The following CWC27 variants were observed in gnomAD, a reference collection of about 807,000 sequenced individuals.
The protein encoded by CWC27 is CWC27 spliceosome associated cyclophilin.
A neutral mutation model predicts 63.6 loss-of-function variants in CWC27; 47 were observed. The observed-to-expected ratio is 0.74, with a 90% CI of 0.58 to 0.94. CWC27 has a LOEUF of 0.94. Among genes scored for constraint, CWC27 ranks in the 40% least tolerant of loss-of-function variants. The probability of loss-of-function intolerance (pLI) is 0.00; values close to 1 mark genes in which losing one functional copy is unlikely to be tolerated. For missense variants in CWC27, 495 were observed against 554.3 expected (o/e 0.89, Z 1.07); for synonymous variants, 175 against 179.8 (o/e 0.97, Z 0.22).
At chr5:64,947,738 G>T (rs773581956) in intron 11 of CWC27, among the ~76,000 whole-genome samples, 1 of 152,038 alleles carries the variant, frequency 6.6e-6, no homozygotes, top group African/African-American at 2.4e-5. Flanking sequence ...TTTCCTATGG[G>T]CCTCCCCTCT....
intron 10 of CWC27, among the ~76,000 whole-genome samples, chr5:64,857,981 CA>C (rs532760074): frequency 7.1e-6 from 1 of 141,684 alleles, no homozygotes; most frequent in Admixed American, 7.1e-5. Context: ...ACTAAAAATA[CA>C]AAAAAATTAG....
intron 10 of CWC27, among the ~76,000 whole-genome samples, chr5:64,856,548 T>A (rs1386519687): frequency 6.6e-6 from 1 of 152,000 alleles, no homozygotes; most frequent in Non-Finnish European, 1.5e-5. Context: ...CAACAAGTTT[T>A]TTTGTTTTTA....
intron 11 of CWC27, among the ~76,000 whole-genome samples, chr5:64,886,514 G>C (rs1471448690): frequency 6.6e-6 from 1 of 151,848 alleles, no homozygotes; most frequent in East Asian, 1.9e-4. Flanking sequence ...ACAGTCACTG[G>C]AAGTATATTA....
In CWC27 at chr5:64,800,251, A is replaced by G. The variant is rs1744441800; in HGVS notation, c.673A>G (p.Met225Val). Residue 225 changes from methionine (M) to valine (V), a missense_variant, in exon 8 of 14, where the codon ATG becomes GTG. Met to Val is a conservative substitution (Grantham distance 21, BLOSUM62 1). Coordinates refer to ENST00000381070, the MANE Select transcript of CWC27 (RefSeq NM_005869.4). The part of the protein sequence containing the change: ...EEEVNRVSQS[M>V]KGKSKSSHDL... ...TTATATTGTACATTCTTTGCAGAGCATGAAGGGCAAAAGCAAAAGTAGTCA... is the reference window on the plus strand; with the variant it reads ...TTATATTGTACATTCTTTGCAGAGCGTGAAGGGCAAAAGCAAAAGTAGTCA... 1 of 1,607,734 alleles carries G rather than the reference A, an allele frequency of 6.2e-7. No homozygotes were observed. The highest frequency in any genetic ancestry group is 8.5e-7 in the Non-Finnish European group (1 of 1,174,916).
At chr5:64,840,554 T>C (rs1268814508) in intron 10 of CWC27, among the ~76,000 whole-genome samples, 1 of 151,352 alleles carries the variant, frequency 6.6e-6, no homozygotes, top group Non-Finnish European at 1.5e-5. Flanking sequence ...GGCAGGTTTT[T>C]TTCAGCTGAA....
chr5:64,885,370 A>G, intron 10 of CWC27, 73 bp from the exon 11 acceptor site: 5 of 1,003,106 alleles, frequency 5.0e-6, no homozygotes, highest in Non-Finnish European at 7.3e-6. Context: ...TAGTATACCA[A>G]TGATTCTGTT....
chr5:64,776,769 TA>T (rs1431978746), intron 2 of CWC27, among the ~76,000 whole-genome samples: 2 of 152,108 alleles, frequency 1.3e-5, no homozygotes, highest in African/African-American at 4.8e-5. Context: ...CACTCATATT[TA>T]TTTTTTTAAA....
intron 11 of CWC27, among the ~76,000 whole-genome samples, chr5:64,944,048 C>T (rs1158720433): frequency 6.6e-6 from 1 of 151,984 alleles, no homozygotes; most frequent in African/African-American, 2.4e-5. Flanking sequence ...TGGATCCTGC[C>T]GCACGCCCCC....
intron 11 of CWC27, among the ~76,000 whole-genome samples, chr5:64,951,504 G>C (rs1174220881): frequency 6.6e-6 from 1 of 151,836 alleles, no homozygotes; most frequent in Non-Finnish European, 1.5e-5. Flanking sequence ...CAAAGTTCAT[G>C]TGCCATTCAT....
intron 11 of CWC27, among the ~76,000 whole-genome samples, chr5:64,937,921 C>CT (rs1211082437): frequency 0.048 from 4,743 of 99,140 alleles, 195 homozygotes; most frequent in Non-Finnish European, 0.066. Context: ...GCAATCTCTG[C>CT]TTTTTTTTTT....
intron 11 of CWC27, among the ~76,000 whole-genome samples, chr5:64,948,537 T>C (rs963851507): frequency 3.3e-5 from 5 of 151,988 alleles, no homozygotes; most frequent in African/African-American, 9.7e-5. Flanking sequence ...ATGTCTAATA[T>C]ATTGCACCAT....
chr5:64,869,754 C>G (rs992580938), intron 10 of CWC27, among the ~76,000 whole-genome samples: 2 of 152,010 alleles, frequency 1.3e-5, no homozygotes, highest in Admixed American at 1.3e-4. Flanking sequence ...ATGATGACCC[C>G]TGCTGTGGCT....
chr5:64,780,821 C>T (rs1398851752), intron 2 of CWC27, among the ~76,000 whole-genome samples: 1 of 151,896 alleles, frequency 6.6e-6, no homozygotes, highest in Non-Finnish European at 1.5e-5. Flanking sequence ...TCATCACATC[C>T]TTACCAACAC....
In CWC27 at chr5:64,941,653, T is replaced by C. The variant is rs565735724; in HGVS notation, c.1043-30050T>C. Among the ~76,000 whole-genome samples the C allele has an allele frequency of 6.6e-5, 10 of 152,226 alleles. No homozygotes were observed. The East Asian group carries it at 1.5e-3, about 23-fold the overall frequency. On this transcript the variant is annotated intron_variant, in intron 11 of 13. Coordinates refer to ENST00000381070, the MANE Select transcript of CWC27 (RefSeq NM_005869.4). ...CATTCCTTTTTATTTTCTGAACATA[T>C]GTGTATAGAAGTATAGAAATCATAT...
chr5:64,880,519 A>G (rs1309171115), intron 10 of CWC27, among the ~76,000 whole-genome samples: 2 of 152,000 alleles, frequency 1.3e-5, no homozygotes, highest in African/African-American at 2.4e-5. Flanking sequence ...TTCCTTAATC[A>G]TTTTGATTTC....
chr5:64,863,309 GTGT>G (rs1169079348), intron 10 of CWC27, among the ~76,000 whole-genome samples: 1 of 152,118 alleles, frequency 6.6e-6, no homozygotes, highest in Non-Finnish European at 1.5e-5. Context: ...ACTGCTTACA[GTGT>G]TAAATTAAGG....
At chr5:64,897,901 A>C (rs2112359780) in intron 11 of CWC27, among the ~76,000 whole-genome samples, 1 of 152,308 alleles carries the variant, frequency 6.6e-6, no homozygotes, top group Middle Eastern at 3.4e-3. Context: ...CTATGAAGCA[A>C]AAACTGATAG....
intron 11 of CWC27, among the ~76,000 whole-genome samples, chr5:64,932,958 A>G (rs1432671864): frequency 1.3e-5 from 2 of 152,140 alleles, no homozygotes; most frequent in Non-Finnish European, 2.9e-5. Context: ...TCCTCTTTTC[A>G]CAAACCTTTA....
intron 10 of CWC27, among the ~76,000 whole-genome samples, chr5:64,849,293 A>G (rs1746070800): frequency 6.6e-6 from 1 of 152,176 alleles, no homozygotes; most frequent in African/African-American, 2.4e-5. Flanking sequence ...AGACCTGTAC[A>G]CTGAAAACTG....
Sources: allele counts gnomAD v4.1 joint callset (sites outside exome capture counted in the v4.1 genomes callset), GRCh38; gene constraint gnomAD v4.1.1; transcripts MANE v1.5; gene names NCBI Gene and HGNC (gene_info 2026-07-23, HGNC 2026-07-21).